Variants in ATP8B4 observed in about 807,000 individuals in gnomAD.
ATP8B4 encodes the protein ATPase phospholipid transporting 8B4 (putative).
A neutral mutation model predicts 145.6 loss-of-function variants in ATP8B4; 133 were observed. The ratio of observed to expected loss-of-function variants is 0.91; its 90% CI spans 0.79 to 1.05. The LOEUF is 1.05. ATP8B4 is among the 50% of genes least tolerant of loss of function. The pLI is 0.00. For synonymous variants in ATP8B4, 507 were observed against 492.9 expected (o/e 1.03, Z -0.38); for missense variants, 1,458 against 1,425.2 (o/e 1.02, Z -0.37).
intron 1 of ATP8B4, among the ~76,000 whole-genome samples, chr15:50,145,782 C>A (rs1595644851): frequency 6.6e-6 from 1 of 152,004 alleles, no homozygotes; most frequent in African/African-American, 2.4e-5. Context: ...AAAATTGGTG[C>A]TTTGTGCCCA....
chr15:50,011,943 T>C (rs1413506551), intron 6 of ATP8B4, among the ~76,000 whole-genome samples: 1 of 152,198 alleles, frequency 6.6e-6, no homozygotes, highest in Non-Finnish European at 1.5e-5. Context: ...AAAATAGTTT[T>C]AAATATTTAT....
At chr15:50,042,516 T>C (rs758564489) in intron 5 of ATP8B4, among the ~76,000 whole-genome samples, 3 of 152,194 alleles carry the variant, frequency 2.0e-5, no homozygotes, top group Admixed American at 1.3e-4. Flanking sequence ...CCACCTCTGT[T>C]ATCAATCTAG....
intron 13 of ATP8B4, among the ~76,000 whole-genome samples, chr15:49,969,994 C>T (rs963146063): frequency 3.9e-5 from 6 of 152,170 alleles, no homozygotes; most frequent in African/African-American, 1.4e-4. Context: ...TATAATCCAT[C>T]ACATAAACAG....
At position 50,029,255 on chromosome 15, in the gene ATP8B4, A is replaced by AAAAAAAAAAAAAAAAAAAAAAAC. The variant is rs776952913; in HGVS notation, c.362+9512_362+9513insGTTTTTTTTTTTTTTTTTTTTTT. Among the ~76,000 whole-genome samples the AAAAAAAAAAAAAAAAAAAAAAAC allele has an allele frequency of 2.0e-3, 285 of 141,132 alleles. 7 individuals are homozygous for AAAAAAAAAAAAAAAAAAAAAAAC. The highest frequency in any genetic ancestry group is 3.2e-3 in the Non-Finnish European group (202 of 62,158). 92.6% of individuals were successfully genotyped at this position (141,132 alleles called of 152,430 possible). On this transcript the variant is annotated intron_variant, in intron 6 of 27. Transcript: ENST00000284509. The stretch of plus-strand genomic sequence containing the variant: ...CTCCATCTTAAAAAAAAAAAAAAAA[A>AAAAAAAAAAAAAAAAAAAAAAAC]AACAGAAAAATACAGCAGAATTTTA...
chr15:50,074,218 T>C (rs1254844902), intron 2 of ATP8B4, 33 bp from the exon 3 acceptor site: 5 of 1,571,122 alleles, frequency 3.2e-6, no homozygotes, highest in African/African-American at 1.4e-5. Context: ...TGAAATTAAA[T>C]TGTAGGCCCA....
chr15:50,179,351 A>T (rs2044810401), intron 1 of ATP8B4, among the ~76,000 whole-genome samples: 1 of 152,112 alleles, frequency 6.6e-6, no homozygotes, highest in African/African-American at 2.4e-5. Context: ...GCTATCGATC[A>T]CCTTTCAAAG....
chr15:50,022,428 G>A (rs1042377490), intron 6 of ATP8B4, among the ~76,000 whole-genome samples: 4 of 152,260 alleles, frequency 2.6e-5, no homozygotes, highest in Middle Eastern at 3.4e-3. Flanking sequence ...GAAATGCTAC[G>A]TTAATCATCT....
intron 2 of ATP8B4, among the ~76,000 whole-genome samples, chr15:50,088,820 G>A (rs1008186105): frequency 8.5e-5 from 13 of 152,120 alleles, no homozygotes; most frequent in Non-Finnish European, 4.4e-5. Context: ...TTTCTGAAAT[G>A]GACAGAATGA....
At chr15:50,001,131 C>T (rs967972598) in intron 8 of ATP8B4, among the ~76,000 whole-genome samples, 1 of 151,516 alleles carries the variant, frequency 6.6e-6, no homozygotes, top group Admixed American at 6.6e-5. Context: ...AGCTCTGTGT[C>T]GTTGATTTTC....
intron 4 of ATP8B4, 64 bp from the exon 5 acceptor site, chr15:50,044,756 G>T (rs2051591652): frequency 8.6e-7 from 1 of 1,163,660 alleles, no homozygotes; most frequent in Non-Finnish European, 1.3e-6. Flanking sequence ...TCCAAACTGT[G>T]TCATTTAATT....
At chr15:50,023,805 A>T (rs1245545499) in intron 6 of ATP8B4, among the ~76,000 whole-genome samples, 1 of 146,976 alleles carries the variant, frequency 6.8e-6, no homozygotes, top group African/African-American at 2.5e-5. Context: ...AAGAAAAAAA[A>T]GAAAAAAAAA....
At position 49,865,540 on chromosome 15, in the gene ATP8B4, C is replaced by T. The variant is rs73396928; in HGVS notation, c.3166+806G>A. Reference sequence around the variant, plus strand: ...CATTGGAAGTGTGGGGGCAGTCATGCGGAACTTAGCCCTCAACTTGTAGGA... The same window carrying T: ...CATTGGAAGTGTGGGGGCAGTCATGTGGAACTTAGCCCTCAACTTGTAGGA... On this transcript the variant is annotated intron_variant, in intron 26 of 27. Transcript: ENST00000284509. Among the ~76,000 whole-genome samples, 1,038 of 152,236 alleles carry T rather than the reference C, an allele frequency of 6.8e-3. 15 individuals are homozygous for T. Among genetic ancestry groups the T allele is most frequent in the African/African-American group, 0.023 (967 of 41,548 alleles).
intron 2 of ATP8B4, among the ~76,000 whole-genome samples, chr15:50,103,974 A>G (rs948185976): frequency 1.3e-5 from 2 of 152,168 alleles, no homozygotes; most frequent in Non-Finnish European, 2.9e-5. Flanking sequence ...AAAATCATCA[A>G]TGGGGGAAAG....
chr15:49,975,546 C>A (rs947395378), intron 12 of ATP8B4, among the ~76,000 whole-genome samples: 13 of 152,010 alleles, frequency 8.6e-5, no homozygotes, highest in Admixed American at 8.5e-4. Flanking sequence ...ACACAACCAT[C>A]CTTTTTTTAT....
intron 1 of ATP8B4, among the ~76,000 whole-genome samples, chr15:50,166,477 G>A (rs1338179232): frequency 6.6e-6 from 1 of 152,138 alleles, no homozygotes; most frequent in African/African-American, 2.4e-5. Flanking sequence ...CCTGTAGAGG[G>A]AAACTGCCAA....
chr15:50,088,029 T>C (rs2055333248), intron 2 of ATP8B4, among the ~76,000 whole-genome samples: 1 of 152,166 alleles, frequency 6.6e-6, no homozygotes, highest in Non-Finnish European at 1.5e-5. Flanking sequence ...TTTCTCACTC[T>C]AAATTAATAT....
intron 3 of ATP8B4, among the ~76,000 whole-genome samples, chr15:50,070,950 C>A (rs978110241): frequency 5.9e-5 from 9 of 152,108 alleles, no homozygotes; most frequent in African/African-American, 2.2e-4. Context: ...ACCATATTGG[C>A]CAGGCTGGTC....
At chr15:50,082,164 A>G (rs1418420170) in intron 2 of ATP8B4, among the ~76,000 whole-genome samples, 1 of 152,206 alleles carries the variant, frequency 6.6e-6, no homozygotes, top group African/African-American at 2.4e-5. Flanking sequence ...AAAGCAATTC[A>G]TTAAAGACAT....
intron 1 of ATP8B4, among the ~76,000 whole-genome samples, chr15:50,178,822 T>C (rs2044802035): frequency 1.3e-5 from 2 of 152,222 alleles, no homozygotes; most frequent in African/African-American, 4.8e-5. Flanking sequence ...AGGTATACTT[T>C]TTTAGTGCCA....
Sources: allele counts gnomAD v4.1 joint callset (sites outside exome capture counted in the v4.1 genomes callset), GRCh38; gene constraint gnomAD v4.1.1; transcripts MANE v1.5; gene names NCBI Gene and HGNC (gene_info 2026-07-23, HGNC 2026-07-21).